The following PLPP4 variants were observed in gnomAD, a reference collection of about 807,000 sequenced individuals.
The protein encoded by PLPP4 is diacylglycerol pyrophosphate like 2.
Under a neutral mutation model 32.2 loss-of-function variants are expected in PLPP4, and 20 were observed. The observed-to-expected ratio is 0.62, with a 90% CI of 0.44 to 0.90. The LOEUF (loss-of-function observed/expected upper bound fraction) is 0.90, where lower values mean the gene tolerates loss of function less well. PLPP4 is among the 40% of genes least tolerant of loss of function. The pLI is 0.00. For missense variants in PLPP4, 257 were observed against 353.1 expected (o/e 0.73, Z 2.18); for synonymous variants, 127 against 133.0 (o/e 0.95, Z 0.31).
intron 5 of PLPP4, among the ~76,000 whole-genome samples, chr10:120,532,872 C>G (rs1050504710): frequency 8.5e-5 from 13 of 152,058 alleles, no homozygotes; most frequent in African/African-American, 3.1e-4. Context: ...ATCCATGAAT[C>G]TAAGTCATTT....
intron 6 of PLPP4, chr10:120,580,918 G>A: frequency 7.8e-7 from 1 of 1,289,234 alleles, no homozygotes; most frequent in Non-Finnish European, 1.0e-6. Flanking sequence ...TGTATGGCAG[G>A]GCCCACAGTC....
intron 5 of PLPP4, among the ~76,000 whole-genome samples, chr10:120,555,016 C>T (rs1177208280): frequency 6.6e-6 from 1 of 152,062 alleles, no homozygotes; most frequent in African/African-American, 2.4e-5. Context: ...CTGCCCCAAA[C>T]CCACGTTTGA....
At position 120,515,250 on chromosome 10, in the gene PLPP4, G is replaced by A. The variant is rs925063675; in HGVS notation, c.256+1249G>A. On this transcript the variant is annotated intron_variant, in intron 3 of 6. Transcript: ENST00000398250. The stretch of plus-strand genomic sequence containing the variant: ...GAGGCACCTCACAGGGACTGGAATG[G>A]GGAGCTGGGCCATCAGGAGGGGAGA... 2.0e-5 allele frequency among the ~76,000 whole-genome samples: 3 copies of A among 152,188 alleles called. No homozygotes were observed. The East Asian group carries it at 5.8e-4, about 29-fold the overall frequency.
At chr10:120,497,160 C>T (rs140411216) in intron 1 of PLPP4, among the ~76,000 whole-genome samples, 9 of 152,096 alleles carry the variant, frequency 5.9e-5, no homozygotes, top group African/African-American at 1.2e-4. Flanking sequence ...AAAAGGTAGT[C>T]GGTGGTGCTT....
At chr10:120,509,967 T>C (rs1845660539) in intron 2 of PLPP4, among the ~76,000 whole-genome samples, 1 of 152,212 alleles carries the variant, frequency 6.6e-6, no homozygotes, top group Admixed American at 6.5e-5. Flanking sequence ...ATTTAGATGG[T>C]CTGGGTGCAA....
At position 120,548,810 on chromosome 10, in the gene PLPP4, A is replaced by G. The variant is rs540843885; in HGVS notation, c.446-26321A>G. Among the ~76,000 whole-genome samples, 49 of 152,048 alleles carry G rather than the reference A, an allele frequency of 3.2e-4. 1 individual carries two copies. The highest frequency in any genetic ancestry group is 1.2e-3 in the African/African-American group (48 of 41,480). On this transcript the variant is annotated intron_variant, in intron 5 of 6. Coordinates refer to ENST00000398250, the MANE Select transcript of PLPP4 (RefSeq NM_001030059.3). Reference sequence around the variant, plus strand: ...GTATCTCTTGGTGGCTTTGATTTGCATTTCTCTAATCATTAGTGATGTTGA... The same window carrying G: ...GTATCTCTTGGTGGCTTTGATTTGCGTTTCTCTAATCATTAGTGATGTTGA...
chr10:120,514,135 T>C, intron 3 of PLPP4, 134 bp downstream of exon 3: 1 of 748,904 alleles, frequency 1.3e-6, no homozygotes, highest in Non-Finnish European at 2.3e-6. Context: ...CAAGATAAGA[T>C]AAAGATAAAC....
intron 6 of PLPP4, among the ~76,000 whole-genome samples, chr10:120,588,954 G>A (rs928314777): frequency 4.6e-5 from 7 of 152,224 alleles, no homozygotes; most frequent in African/African-American, 1.7e-4. Flanking sequence ...GCTGAGGCAG[G>A]AGAATCACTT....
chr10:120,551,061 G>A (rs1295614667), intron 5 of PLPP4, among the ~76,000 whole-genome samples: 1 of 151,992 alleles, frequency 6.6e-6, no homozygotes, highest in Non-Finnish European at 1.5e-5. Flanking sequence ...AATAAAAAAA[G>A]CCCAATACAA....
At position 120,575,264 on chromosome 10, in the gene PLPP4, C is replaced by T. The variant is rs371313306; in HGVS notation, c.579C>T (p.Ala193=). The change falls in exon 6 of 7, where the codon GCC becomes GCT. Residue 193 remains alanine (A), a synonymous_variant. Coordinates refer to ENST00000398250, the MANE Select transcript of PLPP4 (RefSeq NM_001030059.3). The stretch of plus-strand genomic sequence containing the variant: ...CCTTGTACTGCGCCATGATGATTGC[C>T]CTGTCCCGCATGTGCGACTACAAGC... The part of the protein sequence containing the change: ...ILPLYCAMMI[A]LSRMCDYKHH... The T allele has an allele frequency of 1.3e-5, 21 of 1,614,104 alleles. No homozygotes were observed. The African/African-American group carries it at 2.4e-4, about 18-fold the overall frequency.
chr10:120,518,220 C>A (rs537326117), intron 3 of PLPP4, among the ~76,000 whole-genome samples: 1 of 152,250 alleles, frequency 6.6e-6, no homozygotes, highest in South Asian at 2.1e-4. Context: ...ATAATGTATC[C>A]CAGAAGTTCT....
intron 1 of PLPP4, among the ~76,000 whole-genome samples, chr10:120,466,487 G>A (rs2478431): frequency 0.79 from 120,834 of 152,098 alleles, 49,026 homozygotes; most frequent in East Asian, 0.92. Flanking sequence ...AAAAAGTCAC[G>A]TGAAAGAGCA....
intron 1 of PLPP4, among the ~76,000 whole-genome samples, chr10:120,495,672 T>A (rs971779721): frequency 6.6e-6 from 1 of 152,224 alleles, no homozygotes; most frequent in African/African-American, 2.4e-5. Context: ...TGAAAGTGAC[T>A]TTCTGGGCCA....
intron 4 of PLPP4, among the ~76,000 whole-genome samples, chr10:120,520,645 C>G (rs1029508692): frequency 6.6e-6 from 1 of 152,190 alleles, no homozygotes; most frequent in East Asian, 1.9e-4. Flanking sequence ...TCATGTCACT[C>G]TATCCACAGG....
intron 1 of PLPP4, among the ~76,000 whole-genome samples, chr10:120,486,872 C>G (rs1218798747): frequency 1.3e-5 from 2 of 152,198 alleles, no homozygotes; most frequent in African/African-American, 4.8e-5. Context: ...ACTTTGCCTG[C>G]CTTAAGGTCA....
rs192370730 is a variant in PLPP4 at position 120,565,760 on chromosome 10, T to C, written c.446-9371T>C. Among the ~76,000 whole-genome samples, 371 of 152,280 alleles carry C rather than the reference T, an allele frequency of 2.4e-3. 7 individuals carry two copies. The highest frequency in any genetic ancestry group is 8.4e-3 in the African/African-American group (350 of 41,556). On this transcript the variant is annotated intron_variant, in intron 5 of 6. Transcript: ENST00000398250. ...CCATTATCTACTTGAATATTTCTTCTTCTCCATTTTCTCTATTACTTCCTC... is the reference window on the plus strand; with the variant it reads ...CCATTATCTACTTGAATATTTCTTCCTCTCCATTTTCTCTATTACTTCCTC...
chr10:120,457,918 C>T (rs1411695956), intron 1 of PLPP4, among the ~76,000 whole-genome samples: 2 of 152,200 alleles, frequency 1.3e-5, no homozygotes, highest in African/African-American at 4.8e-5. Context: ...CAAGGGGCTG[C>T]AGGCCGGGGT....
chr10:120,570,619 G>T (rs534896631), intron 5 of PLPP4, among the ~76,000 whole-genome samples: 1 of 152,056 alleles, frequency 6.6e-6, no homozygotes, highest in Non-Finnish European at 1.5e-5. Flanking sequence ...AAGATTTTCC[G>T]CTTGGTTTAA....
intron 1 of PLPP4, among the ~76,000 whole-genome samples, chr10:120,479,365 A>G (rs1173704344): frequency 1.3e-5 from 2 of 152,200 alleles, no homozygotes; most frequent in Non-Finnish European, 2.9e-5. Context: ...CGGTGTCCTC[A>G]TGGGACCTGC....
Sources: allele counts gnomAD v4.1 joint callset (sites outside exome capture counted in the v4.1 genomes callset), GRCh38; gene constraint gnomAD v4.1.1; transcripts MANE v1.5; gene names NCBI Gene and HGNC (gene_info 2026-07-23, HGNC 2026-07-21).